Variants in OSBPL6 observed in about 807,000 individuals in gnomAD.
OSBPL6 encodes the protein oxysterol-binding protein-related protein 6.
Under a neutral mutation model 125.8 loss-of-function variants are expected in OSBPL6, and 49 were observed. The observed-to-expected ratio is 0.39, with a 90% CI of 0.31 to 0.49. The LOEUF (loss-of-function observed/expected upper bound fraction) is 0.49. OSBPL6 is among the 20% of genes least tolerant of loss of function. The pLI is 0.88. For synonymous variants in OSBPL6, 394 were observed against 391.8 expected, an observed-to-expected ratio of 1.01 and a Z score of -0.07; for missense variants, 986 against 1,135.4, an observed-to-expected ratio of 0.87 and a Z score of 1.89.
chr2:178,343,091 T>G (rs1411449367), intron 11 of OSBPL6, among the ~76,000 whole-genome samples: 2 of 152,206 alleles, frequency 1.3e-5, no homozygotes, highest in East Asian at 1.9e-4. Flanking sequence ...TTTTGGAACT[T>G]TTTTGAAGAT....
At chr2:178,360,095 A>G (rs1003090470) in intron 12 of OSBPL6, among the ~76,000 whole-genome samples, 1 of 146,984 alleles carries the variant, frequency 6.8e-6, no homozygotes, top group African/African-American at 2.5e-5. Context: ...AAAAAAAAAA[A>G]GAAGCCAGTC....
chr2:178,337,949 C>CTTTTTTTTTTTTTTTTTTT lies in OSBPL6; in HGVS notation c.791-1032_791-1031insTTTTTTTTTTTTTTTTTTT, dbSNP rs755944128. 1.9e-3 allele frequency among the ~76,000 whole-genome samples: 261 copies of CTTTTTTTTTTTTTTTTTTT among 138,982 alleles called. 6 individuals carry two copies. The highest frequency in any genetic ancestry group is 6.5e-3 in the East Asian group (30 of 4,630). 91.2% of individuals were successfully genotyped at this position (138,982 alleles called of 152,430 possible). On this transcript the variant is annotated intron_variant, in intron 9 of 24. Coordinates refer to ENST00000190611, the MANE Select transcript of OSBPL6 (RefSeq NM_032523.4). ...AATAAGAAAAGTAACTCAGTATTCT[C>CTTTTTTTTTTTTTTTTTTT]TTTTTTTTTTGAGACGGAGTCTTGC... is the stretch of plus-strand genomic sequence containing the variant.
chr2:178,361,943 C>A, intron 13 of OSBPL6, 128 bp downstream of exon 13: 1 of 1,122,002 alleles, frequency 8.9e-7, no homozygotes, highest in Non-Finnish European at 1.2e-6. Flanking sequence ...AGAATTTCCC[C>A]CAAAAGACTG....
At chr2:178,245,161 C>T (rs2091444907) in intron 1 of OSBPL6, among the ~76,000 whole-genome samples, 1 of 152,178 alleles carries the variant, frequency 6.6e-6, no homozygotes, top group African/African-American at 2.4e-5. Context: ...GGAATGCCTG[C>T]CTCCTCACTC....
chr2:178,336,792 G>C (rs749825197), intron 9 of OSBPL6, among the ~76,000 whole-genome samples: 5 of 152,158 alleles, frequency 3.3e-5, no homozygotes, highest in Non-Finnish European at 7.3e-5. Context: ...CCCAAGGAGA[G>C]CCTACTCTGC....
chr2:178,206,158 T>G (rs564060991), intron 1 of OSBPL6, among the ~76,000 whole-genome samples: 42 of 152,354 alleles, frequency 2.8e-4, no homozygotes, highest in Admixed American at 2.5e-3. Flanking sequence ...GCATCTAATT[T>G]TTGTCTTGTG....
At chr2:178,275,518 GATAATAATA>G (rs993674538) in intron 1 of OSBPL6, among the ~76,000 whole-genome samples, 2 of 151,606 alleles carry the variant, frequency 1.3e-5, no homozygotes, top group African/African-American at 4.8e-5. Context: ...AAATAATAAT[GATAATAATA>G]ATAATAATGG....
chr2:178,296,550 AAAAACAAAAC>A (rs965442835), intron 2 of OSBPL6, among the ~76,000 whole-genome samples: 1 of 152,196 alleles, frequency 6.6e-6, no homozygotes, highest in African/African-American at 2.4e-5. Context: ...ATCAGCTCTT[AAAAACAAAAC>A]AAAACAAAAC....
intron 2 of OSBPL6, among the ~76,000 whole-genome samples, chr2:178,285,508 C>G (rs9288017): frequency 6.6e-6 from 1 of 152,058 alleles, no homozygotes; most frequent in Non-Finnish European, 1.5e-5. Context: ...TACAGGTACA[C>G]ATTCTTAAAA....
chr2:178,369,442 A>G (rs1361334754), intron 13 of OSBPL6, among the ~76,000 whole-genome samples: 3 of 152,300 alleles, frequency 2.0e-5, no homozygotes, highest in Admixed American at 6.5e-5. Context: ...ATGATAACCA[A>G]GAAGCACTGT....
chr2:178,344,386 A>T, intron 11 of OSBPL6: 1 of 1,607,866 alleles, frequency 6.2e-7, no homozygotes, highest in Non-Finnish European at 8.5e-7. Flanking sequence ...TCTCAAGTGG[A>T]AGTTTAATAA....
intron 2 of OSBPL6, among the ~76,000 whole-genome samples, chr2:178,287,963 AT>A (rs11316513): frequency 0.49 from 73,268 of 149,220 alleles, 18,064 homozygotes; most frequent in Non-Finnish European, 0.52. Context: ...AAACAGGTTG[AT>A]TTTTTTTTTT....
Position 178,306,046 on chromosome 2 carries a change from CA to C in OSBPL6, c.-137del. The C allele has an allele frequency of 1.7e-6, 1 of 602,230 alleles. No individual in the cohort carries two copies. Among genetic ancestry groups the C allele is most frequent in the Non-Finnish European group, 3.0e-6 (1 of 334,190 alleles). The allele number at this position is 602,230 out of a possible 1,614,324, so 37.3% of individuals were successfully genotyped here. A position where few individuals can be genotyped will look rare whatever the true frequency, so the allele number is the denominator to read the frequency against. ...TGCTTTTAGGTGGTTTGGACACCCT[CA>C]ATATTGCCTGCTCTTTTCTAGTCAA... On this transcript the variant is annotated 5_prime_UTR_variant, in exon 3 of 25. Coordinates refer to ENST00000190611, the MANE Select transcript of OSBPL6 (RefSeq NM_032523.4).
At chr2:178,231,229 T>C (rs1460891953) in intron 1 of OSBPL6, among the ~76,000 whole-genome samples, 1 of 152,178 alleles carries the variant, frequency 6.6e-6, no homozygotes, top group South Asian at 2.1e-4. Context: ...TGACCAGGTG[T>C]AATGTTTACA....
intron 12 of OSBPL6, among the ~76,000 whole-genome samples, chr2:178,356,209 T>A (rs936544179): frequency 1.3e-5 from 2 of 152,174 alleles, no homozygotes; most frequent in Non-Finnish European, 2.9e-5. Flanking sequence ...ACCACTCCTA[T>A]TCAACATAGT....
intron 1 of OSBPL6, among the ~76,000 whole-genome samples, chr2:178,253,721 G>A (rs1182708059): frequency 6.6e-6 from 1 of 152,206 alleles, no homozygotes; most frequent in Non-Finnish European, 1.5e-5. Flanking sequence ...ACCTATCATT[G>A]TAGTGGAGTT....
In OSBPL6 at chr2:178,387,148, C is replaced by T; in HGVS notation, c.2156+9C>T. On this transcript the variant is annotated intron_variant, in intron 20 of 24. Transcript: ENST00000190611. The stretch of plus-strand genomic sequence containing the variant: ...AATGTCATGCTTCCAAAGTAGGTGA[C>T]TCACACCTCCCTTTTGGCCTCTTGT... The T allele has an allele frequency of 6.3e-7, 1 of 1,591,120 alleles. No homozygotes were observed. The highest frequency in any genetic ancestry group is 2.2e-5 in the East Asian group (1 of 44,688).
At chr2:178,198,564 G>A (rs1334660729) in intron 1 of OSBPL6, among the ~76,000 whole-genome samples, 5 of 151,052 alleles carry the variant, frequency 3.3e-5, no homozygotes, top group African/African-American at 1.2e-4. Flanking sequence ...ATGTTGCAGT[G>A]AGCCGAGATT....
intron 1 of OSBPL6, among the ~76,000 whole-genome samples, chr2:178,195,210 T>C (rs927951262): frequency 6.6e-6 from 1 of 152,166 alleles, no homozygotes; most frequent in Non-Finnish European, 1.5e-5. Flanking sequence ...TTGGGTTTTA[T>C]TGTGCGCGTG....
Sources: allele counts gnomAD v4.1 joint callset (sites outside exome capture counted in the v4.1 genomes callset), GRCh38; gene constraint gnomAD v4.1.1; transcripts MANE v1.5; gene names NCBI Gene and HGNC (gene_info 2026-07-23, HGNC 2026-07-21).